RUSC2: variants seen among roughly 807,000 people sequenced by gnomAD.
The protein encoded by RUSC2 is RUN and SH3 domain containing 2, also known as AP-4 complex accessory subunit RUSC2.
A neutral mutation model predicts 122.2 loss-of-function variants in RUSC2; 34 were observed. That is an observed-to-expected ratio of 0.28 (90% CI 0.21 to 0.37). RUSC2 has a LOEUF of 0.37. RUSC2 is among the 10% of genes least tolerant of loss of function. The probability of loss-of-function intolerance (pLI) is 1.00; values close to 1 mark genes in which losing one functional copy is unlikely to be tolerated. For synonymous variants in RUSC2, 784 were observed against 790.0 expected, an observed-to-expected ratio of 0.99 and a Z score of 0.13; for missense variants, 1,747 against 1,952.4, an observed-to-expected ratio of 0.89 and a Z score of 1.98.
chr9:35,547,369 C>T lies in RUSC2; in HGVS notation c.848C>T (p.Thr283Ile). The change falls in exon 2 of 12, where the codon ACC becomes ATC. Residue 283 changes from threonine to isoleucine, a missense_variant. Coordinates refer to ENST00000361226, the MANE Select transcript of RUSC2 (RefSeq NM_014806.5). This position sits in a 1 kb window ranked among gnomAD's most constrained non-coding sequence, Gnocchi z 4.6. ...SCNSSDGVLVTFSTLYNKMHG... is the reference protein window; with the variant it reads ...SCNSSDGVLVIFSTLYNKMHG... Reference sequence around the variant, plus strand: ...AACAGTTCAGATGGTGTGCTGGTCACCTTCAGCACCCTCTACAACAAGATG... The same window carrying T: ...AACAGTTCAGATGGTGTGCTGGTCATCTTCAGCACCCTCTACAACAAGATG... 1 of 1,614,188 alleles carries T rather than the reference C, an allele frequency of 6.2e-7. No homozygotes were observed. The highest frequency in any genetic ancestry group is 8.5e-7 in the Non-Finnish European group (1 of 1,180,038).
chr9:35,516,061 T>C (rs1043880539), intron 1 of RUSC2, among the ~76,000 whole-genome samples: 1 of 140,402 alleles, frequency 7.1e-6, no homozygotes, highest in Non-Finnish European at 1.5e-5. Flanking sequence ...GCATGGTGAG[T>C]AACATAGTAG....
At chr9:35,512,382 T>C (rs1334401951) in intron 1 of RUSC2, among the ~76,000 whole-genome samples, 8 of 152,252 alleles carry the variant, frequency 5.3e-5, no homozygotes. Context: ...TTTAGCTTTC[T>C]CAATGAATTA....
Position 35,548,732 on chromosome 9 carries a change from A to C in RUSC2, c.2014+197A>C. On this transcript the variant is annotated intron_variant, in intron 2 of 11. Transcript: ENST00000361226. This position sits in a 1 kb window ranked among gnomAD's most constrained non-coding sequence, Gnocchi z 4.5. ...CTCACTGGAGAAAGACAGAGGACTCAAAAATACACTGAGCAGACTGGGTGC... is the reference window on the plus strand; with the variant it reads ...CTCACTGGAGAAAGACAGAGGACTCCAAAATACACTGAGCAGACTGGGTGC... 1 of 985,374 alleles carries C rather than the reference A, an allele frequency of 1.0e-6. No individual in the cohort carries two copies. Among genetic ancestry groups the C allele is most frequent in the Non-Finnish European group, 1.2e-6 (1 of 829,902 alleles). 61.0% of individuals were successfully genotyped at this position (985,374 alleles called of 1,614,324 possible). A position where few individuals can be genotyped will look rare whatever the true frequency, so the allele number is the denominator to read the frequency against.
At position 35,560,123 on chromosome 9, in the gene RUSC2, G is replaced by A; in HGVS notation, c.3483G>A (p.Gln1161=). 4.3e-6 allele frequency: 7 copies of A among 1,612,280 alleles called. No homozygotes were observed. The highest frequency in any genetic ancestry group is 5.1e-6 in the Non-Finnish European group (6 of 1,180,002). Residue 1161 remains glutamine (Q), a synonymous_variant, in exon 10 of 12, where the codon CAG becomes CAA. Transcript: ENST00000361226. ...TTGAAGAGCTGCTGCTGCTGCTACA[G>A]CCCCTGGCCCTGCTGCCCTTCAGCC... ...GLFEELLLLL[Q]PLALLPFSLD... is the part of the protein sequence containing the mutation.
chr9:35,497,634 G>T (rs1268366825), intron 1 of RUSC2, among the ~76,000 whole-genome samples: 3 of 152,058 alleles, frequency 2.0e-5, no homozygotes, highest in African/African-American at 7.2e-5. Context: ...CCAGACCTAG[G>T]GTGATTAAAA....
rs1822113006 is a variant in RUSC2, at chr9:35,560,106, C to G, written c.3466C>G (p.Leu1156Val). The G allele has an allele frequency of 6.2e-7, 1 of 1,609,906 alleles. No individual in the cohort carries two copies. Among genetic ancestry groups the G allele is most frequent in the Non-Finnish European group, 8.5e-7 (1 of 1,178,194 alleles). Residue 1156 changes from leucine (L) to valine (V), a missense_variant, in exon 10 of 12, where the codon CTG (leucine) becomes GTG (valine). By Grantham distance (32) the Leu-to-Val change is conservative. Transcript: ENST00000361226. Reference sequence around the variant, plus strand: ...CGTGTGTCCCGGCCTCTTTGAAGAGCTGCTGCTGCTGCTACAGCCCCTGGC... The same window carrying G: ...CGTGTGTCCCGGCCTCTTTGAAGAGGTGCTGCTGCTGCTACAGCCCCTGGC... ...HTVCPGLFEELLLLLQPLALL... is the reference protein window; with the variant it reads ...HTVCPGLFEEVLLLLQPLALL...
At chr9:35,506,195 A>G (rs1385107629) in intron 1 of RUSC2, among the ~76,000 whole-genome samples, 1 of 152,232 alleles carries the variant, frequency 6.6e-6, no homozygotes, top group Non-Finnish European at 1.5e-5. Flanking sequence ...AAATATTTCA[A>G]AGTTAGATTG....
chr9:35,527,485 A>G (rs1821345911), intron 1 of RUSC2, among the ~76,000 whole-genome samples: 1 of 152,030 alleles, frequency 6.6e-6, no homozygotes, highest in Non-Finnish European at 1.5e-5. Context: ...TTTAATAATT[A>G]TGTTTCTAAC....
In RUSC2 at chr9:35,548,182, C is replaced by T. The variant is rs1329106197; in HGVS notation, c.1661C>T (p.Thr554Ile). Residue 554 changes from threonine (T) to isoleucine (I), a missense_variant, in exon 2 of 12, where the codon ACT (threonine) becomes ATT (isoleucine). Coordinates refer to ENST00000361226, the MANE Select transcript of RUSC2 (RefSeq NM_014806.5). This position sits in a 1 kb window ranked among gnomAD's most constrained non-coding sequence, Gnocchi z 4.5. ...FAELAKGRKK[T>I]GGSGSPPLRV... ...GAGCTGGCCAAGGGCCGGAAGAAAACTGGAGGCTCTGGCTCGCCCCCACTT... is the reference window on the plus strand; with the variant it reads ...GAGCTGGCCAAGGGCCGGAAGAAAATTGGAGGCTCTGGCTCGCCCCCACTT... 1 of 1,613,326 alleles carries T rather than the reference C, an allele frequency of 6.2e-7. No homozygotes were observed. Among genetic ancestry groups the T allele is most frequent in the Non-Finnish European group, 8.5e-7 (1 of 1,179,958 alleles).
At position 35,555,152 on chromosome 9, in the gene RUSC2, T is replaced by C. The variant is rs764544152; in HGVS notation, c.2107T>C (p.Phe703Leu). The change falls in exon 3 of 12, where the codon TTC (phenylalanine) becomes CTC (leucine). Residue 703 changes from phenylalanine to leucine, a missense_variant. Phe to Leu is a conservative substitution (Grantham distance 22). Coordinates refer to ENST00000361226, the MANE Select transcript of RUSC2 (RefSeq NM_014806.5). The surrounding 1 kb of genome is among the most constrained non-coding windows in gnomAD (Gnocchi z 4.6). ...PIQPFVFQHHFPKQLAKARAL... is the reference protein window; with the variant it reads ...PIQPFVFQHHLPKQLAKARAL... ...CCAGCCCTTCGTGTTCCAGCACCACTTCCCCAAGCAGCTGGCCAAGGCCCG... is the reference window on the plus strand; with the variant it reads ...CCAGCCCTTCGTGTTCCAGCACCACCTCCCCAAGCAGCTGGCCAAGGCCCG... 4.3e-5 allele frequency: 69 copies of C among 1,613,526 alleles called. No individual in the cohort carries two copies. In the South Asian group the frequency reaches 7.5e-4, roughly 17 times the overall value.
At chr9:35,525,965 G>T (rs1821317994) in intron 1 of RUSC2, among the ~76,000 whole-genome samples, 1 of 152,156 alleles carries the variant, frequency 6.6e-6, no homozygotes, top group Non-Finnish European at 1.5e-5. Context: ...GATGGCACGT[G>T]CCTGTAGTCC....
At chr9:35,495,884 C>T (rs1373311468) in intron 1 of RUSC2, among the ~76,000 whole-genome samples, 3 of 152,074 alleles carry the variant, frequency 2.0e-5, no homozygotes, top group South Asian at 2.1e-4. Context: ...CTTTCACTTC[C>T]GTGGTTAAGT....
At chr9:35,517,071 G>A (rs1322236783) in intron 1 of RUSC2, among the ~76,000 whole-genome samples, 2 of 152,156 alleles carry the variant, frequency 1.3e-5, no homozygotes, top group African/African-American at 4.8e-5. Context: ...TTAAAAAGAT[G>A]TGGCAGTACT....
chr9:35,548,756 G>T lies in RUSC2; in HGVS notation c.2014+221G>T, dbSNP rs1821827901. On this transcript the variant is annotated intron_variant, in intron 2 of 11. Transcript: ENST00000361226. The surrounding 1 kb of genome is among the most constrained non-coding windows in gnomAD (Gnocchi z 4.5). The stretch of plus-strand genomic sequence containing the variant: ...CAAAAATACACTGAGCAGACTGGGT[G>T]CAGTGACTCACACCTGTGATCCCAG... 1.0e-6 allele frequency: 1 copy of T among 984,748 alleles called. No individual in the cohort carries two copies. The highest frequency in any genetic ancestry group is 4.7e-5 in the South Asian group (1 of 21,264). 61.0% of individuals were successfully genotyped at this position (984,748 alleles called of 1,614,324 possible).
intron 1 of RUSC2, among the ~76,000 whole-genome samples, chr9:35,524,822 T>C (rs1005430125): frequency 2.6e-5 from 4 of 151,982 alleles, no homozygotes; most frequent in African/African-American, 9.7e-5. Context: ...ATACAAAAAA[T>C]TAGCCGGGCG....
chr9:35,556,465 G>A lies in RUSC2; in HGVS notation c.2983+17G>A, dbSNP rs377399831. The A allele has an allele frequency of 6.6e-5, 106 of 1,611,594 alleles. No individual in the cohort carries two copies. In the African/African-American group the frequency reaches 1.2e-3, roughly 19 times the overall value. ...AGAAAAAAGGTGCATACAACCCCCA[G>A]CTCAGGCCAGGGACTCTGCTGTCAC... On this transcript the variant is annotated intron_variant, in intron 5 of 11. Coordinates refer to ENST00000361226, the MANE Select transcript of RUSC2 (RefSeq NM_014806.5).
chr9:35,500,326 T>C (rs1050613573), intron 1 of RUSC2, among the ~76,000 whole-genome samples: 5 of 152,124 alleles, frequency 3.3e-5, no homozygotes, highest in African/African-American at 9.7e-5. Flanking sequence ...CATCAGATCT[T>C]GTGAGACTTA....
chr9:35,500,971 C>G (rs945070983), intron 1 of RUSC2, among the ~76,000 whole-genome samples: 7 of 152,152 alleles, frequency 4.6e-5, no homozygotes, highest in Non-Finnish European at 8.8e-5. Context: ...TTCTAACAAC[C>G]AAGTGGTGGT....
At position 35,560,250 on chromosome 9, in the gene RUSC2, T is replaced by C; in HGVS notation, c.3610T>C (p.Ser1204Pro). ...CCAGGACCTGCTGCTGTCTGCCCAC[T>C]CCACGCTGCAGCTGGCCCGGGCCCG... ...VSQDLLLSAH[S>P]TLQLARARGQ... The change falls in exon 10 of 12, where the codon TCC (serine) becomes CCC (proline). Residue 1204 changes from serine to proline, a missense_variant. By Grantham distance (74) the Ser-to-Pro change is moderately conservative (BLOSUM62 -1). Transcript: ENST00000361226. The C allele has an allele frequency of 1.3e-6, 2 of 1,596,568 alleles. No homozygotes were observed. The highest frequency in any genetic ancestry group is 1.7e-6 in the Non-Finnish European group (2 of 1,172,606).
Sources: allele counts gnomAD v4.1 joint callset (sites outside exome capture counted in the v4.1 genomes callset), GRCh38; gene constraint gnomAD v4.1.1; non-coding constraint Gnocchi (gnomAD v3.1); transcripts MANE v1.5; gene names NCBI Gene and HGNC (gene_info 2026-07-23, HGNC 2026-07-21).